Variants in PHF21A observed in about 807,000 individuals in gnomAD.
PHF21A encodes BHC80a.
In PHF21A, 11 loss-of-function variants were observed where a neutral mutation model predicts 82.5. That is an observed-to-expected ratio of 0.13 (90% CI 0.08 to 0.22). PHF21A has a LOEUF of 0.22. PHF21A is among the 10% of genes least tolerant of loss of function. The pLI is 1.00. For synonymous variants in PHF21A, 297 were observed against 302.8 expected (o/e 0.98, Z 0.20); for missense variants, 579 against 837.8 (o/e 0.69, Z 3.81).
intron 5 of PHF21A, 68 bp from the exon 6 acceptor site, chr11:46,076,887 C>T (rs758498400): frequency 2.1e-5 from 25 of 1,202,536 alleles, no homozygotes; most frequent in Non-Finnish European, 3.1e-5. Flanking sequence ...AGCAGGAAGA[C>T]TATGCATACT....
At chr11:46,103,241 A>G (rs2097118048) in intron 1 of PHF21A, among the ~76,000 whole-genome samples, 2 of 152,242 alleles carry the variant, frequency 1.3e-5, no homozygotes, top group Non-Finnish European at 2.9e-5. Flanking sequence ...ATATACTTCT[A>G]AAGTTTCCAC....
At chr11:46,097,307 C>T (rs2097013543) in intron 1 of PHF21A, among the ~76,000 whole-genome samples, 1 of 152,106 alleles carries the variant, frequency 6.6e-6, no homozygotes, top group Non-Finnish European at 1.5e-5. Flanking sequence ...TTTCAATGGC[C>T]CACAGGCACT....
chr11:45,975,079 T>A (rs539898000), intron 7 of PHF21A, among the ~76,000 whole-genome samples: 4 of 152,046 alleles, frequency 2.6e-5, no homozygotes, highest in African/African-American at 9.7e-5. Context: ...TTTGGGAGGC[T>A]AAGGTGGGCG....
At chr11:46,116,529 T>C (rs2136147415) in intron 1 of PHF21A, 1 of 151,456 alleles carries the variant, frequency 6.6e-6, no homozygotes, top group East Asian at 1.9e-4. Context: ...ATAGGGGACA[T>C]ACAATTCACA....
chr11:46,100,665 C>T, intron 1 of PHF21A, among the ~76,000 whole-genome samples: 1 of 152,190 alleles, frequency 6.6e-6, no homozygotes, highest in East Asian at 1.9e-4. Flanking sequence ...TTTACATGCA[C>T]AACTTTCACT....
chr11:45,941,509 T>C (rs761461626), intron 15 of PHF21A, among the ~76,000 whole-genome samples: 2 of 152,130 alleles, frequency 1.3e-5, no homozygotes, highest in Non-Finnish European at 2.9e-5. Context: ...CAAATGATGG[T>C]TTAGTATCAT....
At chr11:46,101,477 C>G (rs527494555) in intron 1 of PHF21A, among the ~76,000 whole-genome samples, 1 of 152,040 alleles carries the variant, frequency 6.6e-6, no homozygotes, top group Admixed American at 6.6e-5. Context: ...GGAATAGGTA[C>G]GTGGGGTTAT....
At chr11:46,041,317 G>A (rs749211943) in intron 6 of PHF21A, among the ~76,000 whole-genome samples, 13 of 152,152 alleles carry the variant, frequency 8.5e-5, no homozygotes, top group Non-Finnish European at 1.3e-4. Context: ...TAACAAATGA[G>A]ATCTTATTTA....
chr11:46,032,863 AGAGTAT>A (rs2095895980), intron 6 of PHF21A, among the ~76,000 whole-genome samples: 1 of 152,218 alleles, frequency 6.6e-6, no homozygotes, highest in Non-Finnish European at 1.5e-5. Flanking sequence ...GATTCATACA[AGAGTAT>A]AAGTACATGT....
At chr11:46,055,217 A>G (rs143650781) in intron 6 of PHF21A, among the ~76,000 whole-genome samples, 1 of 152,302 alleles carries the variant, frequency 6.6e-6, no homozygotes, top group African/African-American at 2.4e-5. Context: ...TCTTACCCAA[A>G]TATAACAAAG....
chr11:46,117,894 T>C (rs1290954376), intron 1 of PHF21A: 1 of 152,194 alleles, frequency 6.6e-6, no homozygotes, highest in Non-Finnish European at 1.5e-5. Flanking sequence ...AAACATTATT[T>C]ATGAATGGAA....
chr11:45,970,898 T>C, intron 8 of PHF21A: 1 of 551,722 alleles, frequency 1.8e-6, no homozygotes, highest in Non-Finnish European at 3.2e-6. Context: ...CCTCAGATAA[T>C]GCACTGAATT....
intron 6 of PHF21A, among the ~76,000 whole-genome samples, chr11:46,070,669 C>G (rs2096646860): frequency 6.6e-6 from 1 of 152,100 alleles, no homozygotes; most frequent in East Asian, 1.9e-4. Flanking sequence ...GAGAAGGAAA[C>G]TTGTAGAAAA....
intron 7 of PHF21A, among the ~76,000 whole-genome samples, chr11:45,975,704 G>A (rs1196974063): frequency 1.3e-5 from 2 of 152,092 alleles, no homozygotes; most frequent in African/African-American, 4.8e-5. Context: ...CTGTAGATTG[G>A]AAAACTTTTA....
chr11:46,004,042 C>T (rs1437090789), intron 6 of PHF21A, among the ~76,000 whole-genome samples: 2 of 152,128 alleles, frequency 1.3e-5, no homozygotes, highest in African/African-American at 4.8e-5. Context: ...ATTTCAGAAT[C>T]TCTGCTTCAA....
In PHF21A at chr11:46,043,906, G is replaced by T. The variant is rs145322248; in HGVS notation, c.153+32848C>A. The stretch of plus-strand genomic sequence containing the variant: ...GATGTGAGTGCAGAAAACAGTAAAA[G>T]ATGGATCGCAGCAACTGCTTTAAAT... On this transcript the variant is annotated intron_variant, in intron 6 of 18. Transcript: ENST00000676320. Among the ~76,000 whole-genome samples, 27 of 152,254 alleles carry T rather than the reference G, an allele frequency of 1.8e-4. No homozygotes were observed. In the East Asian group the frequency reaches 5.2e-3, roughly 29 times the overall value.
chr11:46,021,212 G>A (rs370098777), intron 6 of PHF21A, among the ~76,000 whole-genome samples: 11 of 152,060 alleles, frequency 7.2e-5, no homozygotes, highest in South Asian at 2.1e-4. Context: ...GGTGCAAGCC[G>A]CTATGCCTGG....
intron 6 of PHF21A, among the ~76,000 whole-genome samples, chr11:46,068,282 A>T (rs2096617928): frequency 6.6e-6 from 1 of 152,186 alleles, no homozygotes; most frequent in Non-Finnish European, 1.5e-5. Flanking sequence ...ATGTGGAATA[A>T]AACAGATGAA....
intron 6 of PHF21A, among the ~76,000 whole-genome samples, chr11:45,995,302 T>C (rs1335524152): frequency 6.6e-6 from 1 of 151,882 alleles, no homozygotes; most frequent in Non-Finnish European, 1.5e-5. Flanking sequence ...ACAAATTCAG[T>C]GGAAAAGAAG....
Sources: allele counts gnomAD v4.1 joint callset (sites outside exome capture counted in the v4.1 genomes callset), GRCh38; gene constraint gnomAD v4.1.1; transcripts MANE v1.5; gene names NCBI Gene and HGNC (gene_info 2026-07-23, HGNC 2026-07-21).